The following AK8 variants were observed in gnomAD, a reference collection of about 807,000 sequenced individuals.
AK8 encodes the protein adenylate kinase 8.
Under a neutral mutation model 54.6 loss-of-function variants are expected in AK8, and 44 were observed. The ratio of observed to expected loss-of-function variants is 0.81; its 90% CI spans 0.63 to 1.04. AK8 has a LOEUF of 1.04. AK8 is among the 50% of genes least tolerant of loss of function. The pLI is 0.00. For missense variants in AK8, 555 were observed against 613.6 expected (o/e 0.90, Z 1.01); for synonymous variants, 239 against 245.6 (o/e 0.97, Z 0.25).
At chr9:132,828,957 G>T (rs1442709442) in intron 5 of AK8, among the ~76,000 whole-genome samples, 4 of 150,196 alleles carry the variant, frequency 2.7e-5, no homozygotes, top group Non-Finnish European at 4.4e-5. Context: ...TTTACATCTT[G>T]ATTTTTTTTT....
chr9:132,782,079 T>TTA (rs1429829657), intron 11 of AK8, among the ~76,000 whole-genome samples: 1 of 152,206 alleles, frequency 6.6e-6, no homozygotes, highest in Non-Finnish European at 1.5e-5. Flanking sequence ...TAAATTAAAT[T>TTA]GGCATTCTTT....
intron 1 of AK8, chr9:132,877,639 C>T (rs535770484): frequency 3.0e-6 from 1 of 331,572 alleles, no homozygotes; most frequent in Non-Finnish European, 6.1e-6. Context: ...TCGGAGCTGC[C>T]GGGGACGTCT....
rs573699403 is a variant in AK8 at position 132,741,135 on chromosome 9, C to T, written c.1122-13601G>A. ...AGCCCAGCCAGTCTGTGCCAGGTCA[C>T]GGCACCATCTGCACCAGCAGCTCTC... On this transcript the variant is annotated intron_variant, in intron 11 of 12. Coordinates refer to ENST00000298545, the MANE Select transcript of AK8 (RefSeq NM_152572.3). Among the ~76,000 whole-genome samples, 24 of 152,346 alleles carry T rather than the reference C, an allele frequency of 1.6e-4. No individual in the cohort carries two copies. In the South Asian group the frequency reaches 4.3e-3, roughly 28 times the overall value.
intron 10 of AK8, among the ~76,000 whole-genome samples, chr9:132,796,030 GCTTT>G (rs1428527612): frequency 6.6e-6 from 1 of 152,230 alleles, no homozygotes; most frequent in South Asian, 2.1e-4. Context: ...TGGAGCCACA[GCTTT>G]CTGAGGGCCT....
intron 11 of AK8, among the ~76,000 whole-genome samples, chr9:132,728,816 AG>A (rs1343924039): frequency 6.6e-6 from 1 of 152,202 alleles, no homozygotes; most frequent in Non-Finnish European, 1.5e-5. Context: ...TGGGAGCACC[AG>A]GGAATTCATC....
In AK8 at chr9:132,792,787, G is replaced by A. The variant is rs529730405; in HGVS notation, c.980-12C>T. On this transcript the variant is annotated splice_polypyrimidine_tract_variant and intron_variant, in intron 10 of 12. Coordinates refer to ENST00000298545, the MANE Select transcript of AK8 (RefSeq NM_152572.3). ...GAGGCTGTCAGGAACTGCAGAGAAG[G>A]GGGGCAAGTGAGTACCCTGCTGGCC... 7.2e-4 allele frequency: 1,126 copies of A among 1,554,940 alleles called. No homozygotes were observed. Among genetic ancestry groups the A allele is most frequent in the Non-Finnish European group, 8.2e-4 (942 of 1,148,658 alleles).
At chr9:132,740,957 G>A (rs1019272808) in intron 11 of AK8, among the ~76,000 whole-genome samples, 4 of 152,152 alleles carry the variant, frequency 2.6e-5, no homozygotes, top group African/African-American at 4.8e-5. Context: ...AGAAGATGGT[G>A]GGCCTGGGGG....
At chr9:132,815,904 C>CTGGATAGCA (rs1841307034) in intron 9 of AK8, among the ~76,000 whole-genome samples, 1 of 152,224 alleles carries the variant, frequency 6.6e-6, no homozygotes, top group Non-Finnish European at 1.5e-5. Context: ...CTAAAGTTAA[C>CTGGATAGCA]TGGATAGCAT....
chr9:132,876,431 T>A (rs936979054), intron 1 of AK8, among the ~76,000 whole-genome samples: 1 of 152,090 alleles, frequency 6.6e-6, no homozygotes, highest in Admixed American at 6.6e-5. Flanking sequence ...AAAAGGTGAG[T>A]TGATTTAAAC....
At chr9:132,868,919 C>T (rs1843700501) in intron 2 of AK8, among the ~76,000 whole-genome samples, 1 of 152,184 alleles carries the variant, frequency 6.6e-6, no homozygotes, top group Non-Finnish European at 1.5e-5. Context: ...TTGCTCACAC[C>T]TGTAATCCCA....
intron 11 of AK8, among the ~76,000 whole-genome samples, chr9:132,767,131 G>A (rs1209912768): frequency 2.0e-5 from 3 of 152,060 alleles, no homozygotes; most frequent in Non-Finnish European, 2.9e-5. Context: ...AGACAAATGG[G>A]GCTTACATCA....
chr9:132,820,073 TGAG>T (rs1241045763), intron 9 of AK8, among the ~76,000 whole-genome samples: 1 of 146,146 alleles, frequency 6.8e-6, no homozygotes, highest in Non-Finnish European at 1.5e-5. Flanking sequence ...GAGGATCACT[TGAG>T]GAGTTGGAGG....
intron 10 of AK8, among the ~76,000 whole-genome samples, chr9:132,802,454 C>A (rs996710248): frequency 6.6e-6 from 1 of 152,176 alleles, no homozygotes; most frequent in Non-Finnish European, 1.5e-5. Context: ...TGGCCGCTGG[C>A]CCCACCTTCC....
chr9:132,866,892 T>C lies in AK8; in HGVS notation c.219+12A>G, dbSNP rs1395150751. On this transcript the variant is annotated intron_variant, in intron 3 of 12. Transcript: ENST00000298545. Reference sequence around the variant, plus strand: ...TATTACAGCATCACAACACTTAATATGATACACTTACTATTGTTGTTTTCC... The same window carrying C: ...TATTACAGCATCACAACACTTAATACGATACACTTACTATTGTTGTTTTCC... The C allele has an allele frequency of 4.3e-6, 7 of 1,612,814 alleles. No homozygotes were observed. The highest frequency in any genetic ancestry group is 2.7e-5 in the African/African-American group (2 of 74,898).
At position 132,727,542 on chromosome 9, in the gene AK8, G is replaced by A; in HGVS notation, c.1122-8C>T. ...ACATTCAGGAAAAACACCCTATAAGGAAATAAACCATATTAATAATGGTTT... is the reference window on the plus strand; with the variant it reads ...ACATTCAGGAAAAACACCCTATAAGAAAATAAACCATATTAATAATGGTTT... On this transcript the variant is annotated splice_polypyrimidine_tract_variant and splice_region_variant and intron_variant, in intron 11 of 12. Coordinates refer to ENST00000298545, the MANE Select transcript of AK8 (RefSeq NM_152572.3). 1 of 1,611,046 alleles carries A rather than the reference G, an allele frequency of 6.2e-7. No individual in the cohort carries two copies. The highest frequency in any genetic ancestry group is 2.2e-5 in the East Asian group (1 of 44,854).
At chr9:132,758,986 C>T (rs1431198942) in intron 11 of AK8, among the ~76,000 whole-genome samples, 1 of 151,664 alleles carries the variant, frequency 6.6e-6, no homozygotes, top group East Asian at 1.9e-4. Context: ...TCGCTTGAGC[C>T]CCAGAGTTCA....
At chr9:132,858,507 T>C (rs1403912335) in intron 4 of AK8, among the ~76,000 whole-genome samples, 1 of 152,196 alleles carries the variant, frequency 6.6e-6, no homozygotes, top group Non-Finnish European at 1.5e-5. Flanking sequence ...TGTGGGCATT[T>C]TGAGCTACAG....
Position 132,814,651 on chromosome 9 carries a change from T to C in AK8, c.966A>G (p.Glu322=). The C allele has an allele frequency of 6.2e-7, 1 of 1,614,072 alleles. No homozygotes were observed. The change falls in exon 10 of 13, where the codon GAA becomes GAG. Residue 322 remains glutamate, a synonymous_variant. Coordinates refer to ENST00000298545, the MANE Select transcript of AK8 (RefSeq NM_152572.3). ...TFGELIQPFF[E]KEMAVPDSLL... ...AACGTGGCCTACCTGCCATCTCCTT[T>C]TCAAAGAAGGGCTGGATGAGCTCGC...
At chr9:132,827,167 G>C in intron 7 of AK8, 113 bp from the exon 8 acceptor site, 7 of 1,096,398 alleles carry the variant, frequency 6.4e-6, no homozygotes, top group Non-Finnish European at 4.1e-6. Context: ...ACATTCCTGG[G>C]GTGTGGCTGA....
Sources: gnomAD v4.1 joint callset for allele counts (sites outside exome capture counted in the v4.1 genomes callset) on GRCh38, gnomAD v4.1.1 for gene constraint, MANE v1.5 for transcripts, NCBI Gene and HGNC (gene_info 2026-07-23, HGNC 2026-07-21) for gene names.